SFT2D1: variants seen among roughly 807,000 people sequenced by gnomAD.
SFT2D1 encodes vesicle transport protein SFT2A.
Under a neutral mutation model 28.1 loss-of-function variants are expected in SFT2D1, and 24 were observed. That is an observed-to-expected ratio of 0.85 (90% CI 0.62 to 1.20). The LOEUF (loss-of-function observed/expected upper bound fraction) is 1.20. Among genes scored for constraint, SFT2D1 ranks in the 50% most tolerant of loss-of-function variants. The pLI, the probability that SFT2D1 is intolerant of heterozygous loss-of-function variation, is 0.00. For missense variants in SFT2D1, 181 were observed against 190.9 expected, an observed-to-expected ratio of 0.95 and a Z score of 0.31; for synonymous variants, 82 against 73.7, an observed-to-expected ratio of 1.11 and a Z score of -0.58.
chr6:166,342,390 G>A (rs572653219), intron 1 of SFT2D1, 29 bp downstream of exon 1: 4 of 1,542,094 alleles, frequency 2.6e-6, no homozygotes, highest in East Asian at 2.5e-5. Flanking sequence ...GGGCAGCCCC[G>A]GGACTGGACG....
Position 166,336,766 on chromosome 6 carries a change from C to T in SFT2D1, c.63+5653G>A, listed in dbSNP as rs375252159. 4.6e-5 allele frequency among the ~76,000 whole-genome samples: 7 copies of T among 152,320 alleles called. No individual in the cohort carries two copies. In the South Asian group the frequency reaches 6.2e-4, roughly 14 times the overall value. ...TTAATTTTTTGTAGAAGCGGGGTCT[C>T]GCCATGTTGCCCAGACTGGTCTTGA... On this transcript the variant is annotated intron_variant, in intron 1 of 7. Transcript: ENST00000361731.
At chr6:166,323,779 G>A (rs190375914) in intron 6 of SFT2D1, 74 of 152,272 alleles carry the variant, frequency 4.9e-4, no homozygotes, top group African/African-American at 1.7e-3. Context: ...TGGATTTTTG[G>A]AATATCTGCA....
intron 1 of SFT2D1, among the ~76,000 whole-genome samples, chr6:166,336,697 G>A (rs1778662436): frequency 6.6e-6 from 1 of 152,140 alleles, no homozygotes; most frequent in South Asian, 2.1e-4. Context: ...AGCCTCCCAT[G>A]TAGCTGGGAC....
Position 166,328,263 on chromosome 6 carries a change from A to G in SFT2D1, c.315+13T>C, listed in dbSNP as rs1182169374. 6.5e-7 allele frequency: 1 copy of G among 1,546,644 alleles called. No homozygotes were observed. The highest frequency in any genetic ancestry group is 1.2e-5 in the South Asian group (1 of 81,782). On this transcript the variant is annotated intron_variant, in intron 4 of 7. Coordinates refer to ENST00000361731, the MANE Select transcript of SFT2D1 (RefSeq NM_145169.3). ...ACTTCAATAAAAGTTTTAAAAATGT[A>G]TTATTTACTTACAAGCATAACAATT...
chr6:166,342,359 C>T (rs1778800899), intron 1 of SFT2D1, 60 bp downstream of exon 1: 1 of 1,493,096 alleles, frequency 6.7e-7, no homozygotes, highest in Admixed American at 2.0e-5. Context: ...TCGGCCGGTC[C>T]TCAGTGCGGC....
At chr6:166,333,052 T>C (rs1240040967) in intron 1 of SFT2D1, among the ~76,000 whole-genome samples, 2 of 152,216 alleles carry the variant, frequency 1.3e-5, no homozygotes, top group Non-Finnish European at 2.9e-5. Context: ...TAGGAAACAC[T>C]TGTGGCTTTC....
At chr6:166,320,549 T>A (rs1449733508) in intron 7 of SFT2D1, among the ~76,000 whole-genome samples, 2 of 141,812 alleles carry the variant, frequency 1.4e-5, no homozygotes, top group Non-Finnish European at 3.1e-5. Context: ...AAGATCTAAC[T>A]TTTTTCTTTT....
intron 4 of SFT2D1, among the ~76,000 whole-genome samples, chr6:166,327,497 T>C (rs1296732360): frequency 6.6e-6 from 1 of 152,180 alleles, no homozygotes; most frequent in Non-Finnish European, 1.5e-5. Context: ...AAGATACTGT[T>C]ACGGGAGCCA....
Position 166,320,056 on chromosome 6 carries a change from A to G in SFT2D1, c.*161T>C. The stretch of plus-strand genomic sequence containing the variant: ...AAAGTTACAAGCATTTAATGGTTTA[A>G]TCAAGCATGTAGTTTTTACCAGTAT... On this transcript the variant is annotated 3_prime_UTR_variant, in exon 8 of 8. Transcript: ENST00000361731. 1.7e-6 allele frequency: 1 copy of G among 604,982 alleles called. No homozygotes were observed. The highest frequency in any genetic ancestry group is 2.9e-6 in the Non-Finnish European group (1 of 340,546). 37.5% of individuals were successfully genotyped at this position (604,982 alleles called of 1,614,324 possible). A position where few individuals can be genotyped will look rare whatever the true frequency, so the allele number is the denominator to read the frequency against.
At chr6:166,333,633 C>T (rs1028260335) in intron 1 of SFT2D1, among the ~76,000 whole-genome samples, 2 of 152,314 alleles carry the variant, frequency 1.3e-5, no homozygotes, top group East Asian at 3.9e-4. Context: ...CCTCCTCCTG[C>T]TCCAGGAGGT....
chr6:166,330,150 C>G lies in SFT2D1; in HGVS notation c.150+11G>C, dbSNP rs376707135. On this transcript the variant is annotated intron_variant, in intron 2 of 7. Coordinates refer to ENST00000361731, the MANE Select transcript of SFT2D1 (RefSeq NM_145169.3). ...ATAAAAATTATTAAACAATATAAAG[C>G]CTTAACTCACAAGAATAGAAAAGAA... 1.1e-5 allele frequency: 18 copies of G among 1,565,974 alleles called. No individual in the cohort carries two copies. The East Asian group carries it at 3.8e-4, about 33-fold the overall frequency.
At chr6:166,342,313 G>T in intron 1 of SFT2D1, 106 bp downstream of exon 1, 1 of 1,005,338 alleles carries the variant, frequency 9.9e-7, no homozygotes, top group Non-Finnish European at 1.4e-6. Context: ...GGGCAGAGGA[G>T]TCCCAGACCC....
chr6:166,328,451 G>T, intron 3 of SFT2D1, 94 bp from the exon 4 acceptor site: 2 of 690,256 alleles, frequency 2.9e-6, no homozygotes, highest in Non-Finnish European at 4.4e-6. Context: ...AAGCCCTGTT[G>T]CTTTATTTAA....
chr6:166,325,240 T>C (rs1778422177), intron 5 of SFT2D1, among the ~76,000 whole-genome samples: 1 of 152,028 alleles, frequency 6.6e-6, no homozygotes, highest in Non-Finnish European at 1.5e-5. Context: ...TAAATCAATC[T>C]CATATAACTA....
At chr6:166,340,681 TCTGA>T (rs1778760197) in intron 1 of SFT2D1, among the ~76,000 whole-genome samples, 1 of 151,782 alleles carries the variant, frequency 6.6e-6, no homozygotes, top group South Asian at 2.1e-4. Context: ...CTCAACCTGC[TCTGA>T]CTTTTTCTGT....
chr6:166,338,686 G>A (rs934114690), intron 1 of SFT2D1, among the ~76,000 whole-genome samples: 3 of 152,104 alleles, frequency 2.0e-5, no homozygotes, highest in Non-Finnish European at 4.4e-5. Context: ...AGGGTGGGGA[G>A]GCGGGCCGAC....
chr6:166,330,228 AG>A lies in SFT2D1; in HGVS notation c.82del (p.Ser29ValfsTer6). The A allele has an allele frequency of 1.2e-6, 2 of 1,603,566 alleles. No homozygotes were observed. Among genetic ancestry groups the A allele is most frequent in the Non-Finnish European group, 1.7e-6 (2 of 1,176,648 alleles). ...LTAQVLDASSLSFNTRLKWFA... is the reference protein window; with the variant it reads ...LTAQVLDASSXSFNTRLKWFA... ...CCATTTCAATCTGGTGTTGAAACTA[AG>A]GGATGAGGCATCCAGGACCTTAATA... On this transcript the variant is annotated frameshift_variant, in exon 2 of 8. Coordinates refer to ENST00000361731, the MANE Select transcript of SFT2D1 (RefSeq NM_145169.3). LOFTEE classifies it high-confidence loss of function.
intron 1 of SFT2D1, among the ~76,000 whole-genome samples, chr6:166,337,330 G>A (rs1184104682): frequency 6.6e-6 from 1 of 152,176 alleles, no homozygotes; most frequent in African/African-American, 2.4e-5. Context: ...CTGAAACCCT[G>A]CAGACACAAG....
At chr6:166,338,805 G>A (rs572440486) in intron 1 of SFT2D1, among the ~76,000 whole-genome samples, 1 of 152,126 alleles carries the variant, frequency 6.6e-6, no homozygotes, top group Non-Finnish European at 1.5e-5. Flanking sequence ...ACTCTCTTAA[G>A]ATCTGGCTCA....
Sources: gnomAD v4.1 joint callset for allele counts (sites outside exome capture counted in the v4.1 genomes callset) on GRCh38, gnomAD v4.1.1 for gene constraint, MANE v1.5 for transcripts, NCBI Gene and HGNC (gene_info 2026-07-23, HGNC 2026-07-21) for gene names.